PCCA: variants seen among roughly 807,000 people sequenced by gnomAD.
PCCA encodes the protein propionyl-CoA carboxylase alpha chain, mitochondrial.
In PCCA, 74 loss-of-function variants were observed where a neutral mutation model predicts 101.3. The observed-to-expected ratio is 0.73, with a 90% confidence interval of 0.61 to 0.89. The LOEUF (loss-of-function observed/expected upper bound fraction) is 0.89. PCCA is among the 40% of genes least tolerant of loss of function. The pLI is 0.00. For missense variants in PCCA, 891 were observed against 907.0 expected (o/e 0.98, Z 0.23); for synonymous variants, 294 against 313.6 (o/e 0.94, Z 0.66).
chr13:100,454,121 G>A (rs1020804215), intron 21 of PCCA, among the ~76,000 whole-genome samples: 3 of 151,580 alleles, frequency 2.0e-5, no homozygotes, highest in East Asian at 1.9e-4. Flanking sequence ...TGATCCACCC[G>A]CCTCAGCTTC....
intron 22 of PCCA, among the ~76,000 whole-genome samples, chr13:100,525,002 TA>T (rs1266718147): frequency 4.0e-5 from 6 of 151,150 alleles, no homozygotes; most frequent in Non-Finnish European, 8.8e-5. Context: ...GATAGATAGA[TA>T]GATAGATAGA....
At chr13:100,419,933 T>C (rs1450274205) in intron 19 of PCCA, among the ~76,000 whole-genome samples, 1 of 152,274 alleles carries the variant, frequency 6.6e-6, no homozygotes, top group Admixed American at 6.5e-5. Context: ...AATCTTTGTT[T>C]ACATTAGCAT....
intron 18 of PCCA, among the ~76,000 whole-genome samples, chr13:100,341,973 A>ATATATATATATATATATATATT: frequency 8.2e-6 from 1 of 121,884 alleles, no homozygotes; most frequent in Middle Eastern, 5.1e-3. Context: ...ATATATATAT[A>ATATATATATATATATATATATT]TATATATATG....
At chr13:100,112,198 T>A (rs1409004009) in intron 4 of PCCA, 137 bp downstream of exon 4, 1 of 676,858 alleles carries the variant, frequency 1.5e-6, no homozygotes, top group Non-Finnish European at 2.6e-6. Flanking sequence ...CACTGTTGTG[T>A]TAAGCAAAAC....
intron 19 of PCCA, among the ~76,000 whole-genome samples, chr13:100,420,271 A>G (rs2078659131): frequency 1.3e-5 from 2 of 152,246 alleles, no homozygotes; most frequent in African/African-American, 2.4e-5. Flanking sequence ...AAATAGCCAT[A>G]TTAGAAATTA....
chr13:100,114,083 G>T (rs1310678580), intron 4 of PCCA, among the ~76,000 whole-genome samples: 1 of 152,026 alleles, frequency 6.6e-6, no homozygotes, highest in African/African-American at 2.4e-5. Context: ...AGAGGATCAG[G>T]CTCATCAAGA....
intron 5 of PCCA, 46 bp from the exon 6 acceptor site, chr13:100,157,241 T>C (rs779635317): frequency 7.4e-7 from 1 of 1,358,640 alleles, no homozygotes; most frequent in Non-Finnish European, 1.1e-6. Context: ...TATAAAGCTT[T>C]TGCAATATGA....
chr13:100,472,844 C>A (rs1378383784), intron 21 of PCCA, among the ~76,000 whole-genome samples: 2 of 151,114 alleles, frequency 1.3e-5, no homozygotes, highest in Non-Finnish European at 2.9e-5. Context: ...GTCTGTAAGT[C>A]CCTGGAAAAT....
chr13:100,344,226 A>G (rs1440544158), intron 18 of PCCA, among the ~76,000 whole-genome samples: 1 of 152,236 alleles, frequency 6.6e-6, no homozygotes, highest in Admixed American at 6.5e-5. Flanking sequence ...ACATGTAAAA[A>G]TAAATTGTAT....
chr13:100,213,007 A>C (rs2059313373), intron 7 of PCCA, among the ~76,000 whole-genome samples: 1 of 152,058 alleles, frequency 6.6e-6, no homozygotes. Context: ...TCTATGTCTG[A>C]CTTAGTTCAT....
rs567861268 is a variant in PCCA, at chr13:100,272,439, C to T, written c.915-757C>T. Among the ~76,000 whole-genome samples, 6 of 152,140 alleles carry T rather than the reference C, an allele frequency of 3.9e-5. No individual in the cohort carries two copies. The South Asian group carries it at 6.2e-4, about 16-fold the overall frequency. Reference sequence around the variant, plus strand: ...AATCCTGGCCAACAAGACTATAACACGTGCCTGAGTAAAGCTTATCCCACA... The same window carrying T: ...AATCCTGGCCAACAAGACTATAACATGTGCCTGAGTAAAGCTTATCCCACA... On this transcript the variant is annotated intron_variant, in intron 11 of 23. Coordinates refer to ENST00000376285, the MANE Select transcript of PCCA (RefSeq NM_000282.4).
chr13:100,266,494 A>G (rs1257931303), intron 10 of PCCA, among the ~76,000 whole-genome samples: 1 of 152,192 alleles, frequency 6.6e-6, no homozygotes, highest in Non-Finnish European at 1.5e-5. Flanking sequence ...ACTTATTTAT[A>G]TTAAGTAATT....
chr13:100,254,602 A>C (rs1387842559), intron 8 of PCCA, among the ~76,000 whole-genome samples: 1 of 152,130 alleles, frequency 6.6e-6, no homozygotes, highest in Non-Finnish European at 1.5e-5. Context: ...GAGGGACTGA[A>C]CTGTTGGATA....
intron 4 of PCCA, among the ~76,000 whole-genome samples, chr13:100,151,966 A>G (rs2053379419): frequency 7.4e-6 from 1 of 135,114 alleles, no homozygotes; most frequent in Non-Finnish European, 1.6e-5. Flanking sequence ...GCATTGCTTG[A>G]ATATTGTTTG....
intron 21 of PCCA, chr13:100,491,678 G>GTTCT (rs1440912836): frequency 4.6e-6 from 6 of 1,304,048 alleles, no homozygotes; most frequent in Non-Finnish European, 6.1e-6. Flanking sequence ...GATTGACTGT[G>GTTCT]AGAAGCTTGG....
At chr13:100,329,657 A>T (rs1412371740) in intron 16 of PCCA, among the ~76,000 whole-genome samples, 1 of 152,200 alleles carries the variant, frequency 6.6e-6, no homozygotes, top group African/African-American at 2.4e-5. Context: ...GTTCTACAAG[A>T]CAATGAACCA....
At chr13:100,501,642 G>A (rs1179887142) in intron 21 of PCCA, among the ~76,000 whole-genome samples, 1 of 152,178 alleles carries the variant, frequency 6.6e-6, no homozygotes, top group Admixed American at 6.5e-5. Context: ...GGGAGGCCGA[G>A]GCGGGTGGCT....
At chr13:100,449,613 A>G (rs2081078845) in intron 21 of PCCA, among the ~76,000 whole-genome samples, 1 of 152,072 alleles carries the variant, frequency 6.6e-6, no homozygotes, top group African/African-American at 2.4e-5. Context: ...CAGCCACCCA[A>G]ATAGCTGGGA....
At chr13:100,269,154 CT>C (rs2063141269) in intron 11 of PCCA, among the ~76,000 whole-genome samples, 2 of 152,250 alleles carry the variant, frequency 1.3e-5, no homozygotes, top group Admixed American at 1.3e-4. Flanking sequence ...AGCCACATTT[CT>C]TTTTTTATTT....
Sources: gnomAD v4.1 joint callset for allele counts (sites outside exome capture counted in the v4.1 genomes callset) on GRCh38, gnomAD v4.1.1 for gene constraint, MANE v1.5 for transcripts, NCBI Gene and HGNC (gene_info 2026-07-23, HGNC 2026-07-21) for gene names.